GLYATL2: variants seen among roughly 807,000 people sequenced by gnomAD.
GLYATL2 encodes the protein glycine N-acyltransferase-like protein 2.
In GLYATL2, 25 loss-of-function variants were observed where a neutral mutation model predicts 21.4. The ratio of observed to expected loss-of-function variants is 1.17; its 90% CI spans 0.85 to 1.63. GLYATL2 has a LOEUF of 1.63. Ranked by LOEUF, GLYATL2 falls within the 40% of genes most tolerant of loss-of-function variation. The pLI is 0.00. For missense variants in GLYATL2, 361 were observed against 343.3 expected, an observed-to-expected ratio of 1.05 and a Z score of -0.41; for synonymous variants, 114 against 118.2, an observed-to-expected ratio of 0.96 and a Z score of 0.23.
chr11:58,884,357 A>AGCAAAGTCTCAGGAT (rs2134615607), intron 1 of GLYATL2, among the ~76,000 whole-genome samples: 1 of 152,364 alleles, frequency 6.6e-6, no homozygotes, highest in Admixed American at 6.5e-5. Flanking sequence ...AAGGAACTTC[A>AGCAAAGTCTCAGGAT]GCAAAGTCTC....
At chr11:58,861,479 G>A (rs1297173127) in intron 1 of GLYATL2, among the ~76,000 whole-genome samples, 2 of 151,110 alleles carry the variant, frequency 1.3e-5, no homozygotes, top group Non-Finnish European at 3.0e-5. Context: ...CCCTCGTCTG[G>A]ATAAAGGTTT....
intron 1 of GLYATL2, among the ~76,000 whole-genome samples, chr11:58,873,300 T>A (rs1348873101): frequency 6.6e-6 from 1 of 151,980 alleles, no homozygotes; most frequent in Admixed American, 6.6e-5. Context: ...CTGAATGCCC[T>A]GGCCAGAACT....
At chr11:58,870,274 T>C (rs1327964934) in intron 1 of GLYATL2, among the ~76,000 whole-genome samples, 1 of 152,108 alleles carries the variant, frequency 6.6e-6, no homozygotes, top group East Asian at 1.9e-4. Flanking sequence ...GGTCTAATGA[T>C]AAAACAGAAT....
chr11:58,862,284 A>G (rs929209549), intron 1 of GLYATL2, among the ~76,000 whole-genome samples: 7 of 152,102 alleles, frequency 4.6e-5, no homozygotes, highest in Admixed American at 4.6e-4. Context: ...TATATCTTGT[A>G]TTCTTGAAGG....
In GLYATL2 at chr11:58,902,391, A is replaced by G. The variant is rs370298076; in HGVS notation, n.60+1765T>C. Among the ~76,000 whole-genome samples, 5 of 152,100 alleles carry G rather than the reference A, an allele frequency of 3.3e-5. No individual in the cohort carries two copies. In the East Asian group the frequency reaches 7.7e-4, roughly 24 times the overall value. Reference sequence around the variant, plus strand: ...CAGTTCCACTCTTTTCTTCTGTCAAACTCCTACTCATCTCTCATCCATCAA... The same window carrying G: ...CAGTTCCACTCTTTTCTTCTGTCAAGCTCCTACTCATCTCTCATCCATCAA... On this transcript the variant is annotated intron_variant and non_coding_transcript_variant, in intron 1 of 4. Transcript: ENST00000533636.
chr11:58,908,613 T>C (rs957215922), upstream of GLYATL2: 1 of 158,458 alleles, frequency 6.3e-6, no homozygotes, highest in Non-Finnish European at 1.4e-5. Context: ...ATTCAGATTC[T>C]TGGAGATAAA....
At chr11:58,846,279 C>T (rs1853642852), upstream of GLYATL2, among the ~76,000 whole-genome samples, 2 of 151,846 alleles carry the variant, frequency 1.3e-5, no homozygotes, top group Admixed American at 1.3e-4. Flanking sequence ...AAGCAAGTGG[C>T]AGAATAGAAG....
intron 1 of GLYATL2, among the ~76,000 whole-genome samples, chr11:58,858,681 C>T (rs1378650763): frequency 6.6e-6 from 1 of 152,058 alleles, no homozygotes; most frequent in Non-Finnish European, 1.5e-5. Context: ...AAAAAGTTAC[C>T]TGATTTATAT....
At chr11:58,849,298 C>A (rs748594334), upstream of GLYATL2, among the ~76,000 whole-genome samples, 1 of 152,132 alleles carries the variant, frequency 6.6e-6, no homozygotes, top group African/African-American at 2.4e-5. Context: ...AATATTATAA[C>A]GCTGTTAACT....
chr11:58,841,584 T>C (rs1356346077), intron 1 of GLYATL2, among the ~76,000 whole-genome samples: 1 of 152,206 alleles, frequency 6.6e-6, no homozygotes, highest in Non-Finnish European at 1.5e-5. Context: ...AAACTGCAAC[T>C]TCAAAGATGG....
intron 1 of GLYATL2, chr11:58,885,603 A>G: frequency 3.1e-6 from 1 of 326,624 alleles, no homozygotes; most frequent in Non-Finnish European, 5.9e-6. Context: ...GGAACTGACC[A>G]TTTCAGACAC....
intron 1 of GLYATL2, among the ~76,000 whole-genome samples, chr11:58,857,983 T>G (rs1230310665): frequency 6.6e-6 from 1 of 151,564 alleles, no homozygotes; most frequent in Non-Finnish European, 1.5e-5. Context: ...TGGATCACAT[T>G]GGAGTTTGGG....
intron 1 of GLYATL2, among the ~76,000 whole-genome samples, chr11:58,875,191 G>A (rs994632024): frequency 1.2e-4 from 19 of 152,162 alleles, no homozygotes; most frequent in East Asian, 9.7e-4. Flanking sequence ...GTCTCTGCAC[G>A]TGAGATGGGT....
At chr11:58,890,181 T>C (rs1193742566) in intron 1 of GLYATL2, among the ~76,000 whole-genome samples, 3 of 152,156 alleles carry the variant, frequency 2.0e-5, no homozygotes, top group Non-Finnish European at 4.4e-5. Flanking sequence ...TTCCCAGTTA[T>C]GAGTGAGAAC....
chr11:58,886,015 G>A (rs1370740087), intron 1 of GLYATL2, among the ~76,000 whole-genome samples: 1 of 152,152 alleles, frequency 6.6e-6, no homozygotes, highest in African/African-American at 2.4e-5. Context: ...AGGAGTTTGA[G>A]ACCAGCCTGT....
intron 1 of GLYATL2, among the ~76,000 whole-genome samples, chr11:58,862,517 C>T (rs929246243): frequency 2.6e-5 from 4 of 152,068 alleles, no homozygotes; most frequent in African/African-American, 9.7e-5. Flanking sequence ...CCTTTTGTGT[C>T]TCTGACTCAG....
At chr11:58,908,558 T>A, upstream of GLYATL2, 1 of 201,118 alleles carries the variant, frequency 5.0e-6, no homozygotes, top group South Asian at 1.1e-4. Context: ...GCATATCTAC[T>A]TTTTTACAAC....
intron 1 of GLYATL2, among the ~76,000 whole-genome samples, chr11:58,899,742 T>C (rs1229378276): frequency 2.0e-5 from 3 of 152,194 alleles, no homozygotes; most frequent in Non-Finnish European, 4.4e-5. Flanking sequence ...TGAACCAGCA[T>C]TTAGATTCAT....
upstream of GLYATL2, chr11:58,907,583 T>A (rs1854932258): frequency 2.9e-6 from 1 of 345,978 alleles, no homozygotes; most frequent in South Asian, 2.3e-5. Flanking sequence ...TCCTGACTAC[T>A]AGTTCTATCA....
Sources: gnomAD v4.1 joint callset for allele counts (sites outside exome capture counted in the v4.1 genomes callset) on GRCh38, gnomAD v4.1.1 for gene constraint, MANE v1.5 for transcripts, NCBI Gene and HGNC (gene_info 2026-07-23, HGNC 2026-07-21) for gene names.